The following LIN7A variants were observed in gnomAD, a reference collection of about 807,000 sequenced individuals.
LIN7A encodes lin-7 cell polarity scaffold A.
A neutral mutation model predicts 29.8 loss-of-function variants in LIN7A; 25 were observed. The ratio of observed to expected loss-of-function variants is 0.84; its 90% CI spans 0.61 to 1.17. The LOEUF is 1.17. LIN7A is among the 50% of genes most tolerant of loss of function. The pLI is 0.00. For synonymous variants in LIN7A, 118 were observed against 107.5 expected (o/e 1.10, Z -0.60); for missense variants, 239 against 287.0 (o/e 0.83, Z 1.21).
chr12:80,892,978 T>C (rs1173001220), intron 1 of LIN7A, among the ~76,000 whole-genome samples: 1 of 152,204 alleles, frequency 6.6e-6, no homozygotes, highest in Non-Finnish European at 1.5e-5. Context: ...AGATGCCTAA[T>C]CCTTACCCCA....
At chr12:80,859,977 T>G (rs993563814) in intron 2 of LIN7A, among the ~76,000 whole-genome samples, 1 of 152,238 alleles carries the variant, frequency 6.6e-6, no homozygotes, top group African/African-American at 2.4e-5. Context: ...ATATTAATGC[T>G]TATTCTACTT....
chr12:80,906,706 A>G (rs895624541), intron 1 of LIN7A, among the ~76,000 whole-genome samples: 1 of 152,014 alleles, frequency 6.6e-6, no homozygotes, highest in Non-Finnish European at 1.5e-5. Context: ...TTGAAAAACC[A>G]CCTATCGGGT....
intron 1 of LIN7A, among the ~76,000 whole-genome samples, chr12:80,893,555 C>T (rs936312658): frequency 6.6e-6 from 1 of 152,156 alleles, no homozygotes; most frequent in African/African-American, 2.4e-5. Context: ...TCCCAGTCCT[C>T]ATAAAAGATC....
chr12:80,876,814 A>G (rs1028407982), intron 2 of LIN7A, among the ~76,000 whole-genome samples: 3 of 152,206 alleles, frequency 2.0e-5, no homozygotes, highest in African/African-American at 7.2e-5. Flanking sequence ...ACTGTTTGAC[A>G]TAGTCTCTTA....
At chr12:80,825,400 A>G (rs912304563) in intron 4 of LIN7A, among the ~76,000 whole-genome samples, 2 of 152,226 alleles carry the variant, frequency 1.3e-5, no homozygotes, top group African/African-American at 2.4e-5. Flanking sequence ...ACTAGCTTAG[A>G]AAGAGTACCC....
chr12:80,811,778 T>C, intron 4 of LIN7A, 95 bp from the exon 5 acceptor site: 1 of 1,400,930 alleles, frequency 7.1e-7, no homozygotes, highest in East Asian at 2.4e-5. Flanking sequence ...GAACCCAAAA[T>C]TTAAAATTTT....
chr12:80,905,016 T>C (rs1876401444), intron 1 of LIN7A, among the ~76,000 whole-genome samples: 1 of 152,152 alleles, frequency 6.6e-6, no homozygotes, highest in Non-Finnish European at 1.5e-5. Context: ...TCTGTATTTT[T>C]TCTTTATCGT....
intron 2 of LIN7A, among the ~76,000 whole-genome samples, chr12:80,858,808 C>A (rs916982938): frequency 6.6e-6 from 1 of 152,126 alleles, no homozygotes; most frequent in Non-Finnish European, 1.5e-5. Flanking sequence ...ATTGGCTCAG[C>A]AGACTTGAAA....
At chr12:80,911,244 G>T (rs1040788193) in intron 1 of LIN7A, among the ~76,000 whole-genome samples, 1 of 150,260 alleles carries the variant, frequency 6.7e-6, no homozygotes, top group Non-Finnish European at 1.5e-5. Flanking sequence ...TTTTAAGGAG[G>T]TTCTAGAGGG....
intron 5 of LIN7A, among the ~76,000 whole-genome samples, chr12:80,798,883 C>A (rs1258548931): frequency 1.3e-5 from 2 of 151,750 alleles, no homozygotes; most frequent in Non-Finnish European, 2.9e-5. Context: ...CAGGCATGTG[C>A]CACCACCTCC....
chr12:80,887,623 A>G (rs1194158662), intron 2 of LIN7A, among the ~76,000 whole-genome samples: 2 of 152,136 alleles, frequency 1.3e-5, no homozygotes, highest in East Asian at 3.9e-4. Flanking sequence ...ATTGCTGATC[A>G]TATTAAATAA....
At chr12:80,895,488 C>T (rs534631241) in intron 1 of LIN7A, among the ~76,000 whole-genome samples, 1 of 152,120 alleles carries the variant, frequency 6.6e-6, no homozygotes, top group Non-Finnish European at 1.5e-5. Flanking sequence ...AGTTACTGTT[C>T]ACTAATTCCA....
chr12:80,819,812 C>T (rs1871708802), intron 4 of LIN7A, among the ~76,000 whole-genome samples: 3 of 152,174 alleles, frequency 2.0e-5, no homozygotes, highest in African/African-American at 7.2e-5. Flanking sequence ...TACAAAGCGT[C>T]CAACAAACAT....
rs914973168 is a variant in LIN7A, at chr12:80,794,553, A to G, written c.*3174T>C. 8 of 152,184 alleles carry G rather than the reference A, an allele frequency of 5.3e-5. No individual in the cohort carries two copies. Among genetic ancestry groups the G allele is most frequent in the African/African-American group, 1.9e-4 (8 of 41,452 alleles). The allele number at this position is 152,184 out of a possible 1,614,324, so 9.4% of individuals were successfully genotyped here. On this transcript the variant is annotated 3_prime_UTR_variant, in exon 6 of 6. Coordinates refer to ENST00000552864, the MANE Select transcript of LIN7A (RefSeq NM_004664.4). ...TACGGGCACAGTTGAGTAACATGAAATGAGATAAGATCAGTTTGATGTCAC... is the reference window on the plus strand; with the variant it reads ...TACGGGCACAGTTGAGTAACATGAAGTGAGATAAGATCAGTTTGATGTCAC...
intron 5 of LIN7A, among the ~76,000 whole-genome samples, chr12:80,800,275 AG>A (rs1183513691): frequency 6.6e-6 from 1 of 152,048 alleles, no homozygotes; most frequent in African/African-American, 2.4e-5. Context: ...GGATCATCTG[AG>A]GTCGGGAGTT....
intron 5 of LIN7A, among the ~76,000 whole-genome samples, chr12:80,804,282 T>G (rs1414042424): frequency 1.3e-5 from 2 of 152,126 alleles, no homozygotes; most frequent in African/African-American, 4.8e-5. Flanking sequence ...TTGACTATAG[T>G]CACCCTGTTG....
chr12:80,848,300 G>T lies in LIN7A; in HGVS notation c.224C>A (p.Thr75Lys). 1.2e-6 allele frequency: 2 copies of T among 1,612,048 alleles called. No homozygotes were observed. The highest frequency in any genetic ancestry group is 1.7e-6 in the Non-Finnish European group (2 of 1,178,360). The change falls in exon 3 of 6, where the codon ACG becomes AAG. Residue 75 changes from threonine to lysine, a missense_variant. Thr to Lys is a moderately conservative substitution (Grantham distance 78). Coordinates refer to ENST00000552864, the MANE Select transcript of LIN7A (RefSeq NM_004664.4). ...IREVYQYMHE[T>K]ITVNGCPEFR... ...TTCGGGACAGCCATTAACAGTTATC[G>T]TTTCATGCATATATTGATACACCTA... is the stretch of plus-strand genomic sequence containing the variant.
chr12:80,798,159 G>T (rs1870541057), intron 5 of LIN7A, among the ~76,000 whole-genome samples: 1 of 152,110 alleles, frequency 6.6e-6, no homozygotes, highest in Non-Finnish European at 1.5e-5. Flanking sequence ...TCTCTGACGT[G>T]GACATTAAAT....
intron 2 of LIN7A, among the ~76,000 whole-genome samples, chr12:80,877,548 A>G (rs1592917542): frequency 6.6e-6 from 1 of 152,148 alleles, no homozygotes; most frequent in East Asian, 1.9e-4. Flanking sequence ...GAAATAATGA[A>G]AAAAGCTGGG....
Sources: gnomAD v4.1 joint callset for allele counts (sites outside exome capture counted in the v4.1 genomes callset) on GRCh38, gnomAD v4.1.1 for gene constraint, MANE v1.5 for transcripts, NCBI Gene and HGNC (gene_info 2026-07-23, HGNC 2026-07-21) for gene names.